Variants in MCM5 observed in about 807,000 individuals in gnomAD.
MCM5 encodes DNA replication licensing factor MCM5.
MCM5 carries 46 observed loss-of-function variants against 79.9 expected under a neutral mutation model. The ratio of observed to expected loss-of-function variants is 0.58; its 90% CI spans 0.45 to 0.74. MCM5 has a LOEUF of 0.74. Among genes scored for constraint, MCM5 ranks in the 30% least tolerant of loss-of-function variants. MCM5 has a pLI of 0.00. For missense variants in MCM5, 883 were observed against 1,017.0 expected, an observed-to-expected ratio of 0.87 and a Z score of 1.79; for synonymous variants, 404 against 390.5, an observed-to-expected ratio of 1.03 and a Z score of -0.41.
At chr22:35,444,238 G>T in the MCM5 span, among the ~76,000 whole-genome samples, 1 of 151,454 alleles carries the variant, frequency 6.6e-6, no homozygotes, top group Non-Finnish European at 1.5e-5. Flanking sequence ...GGAGAGGAGA[G>T]GAAGTGGGGA....
chr22:35,450,336 G>A, the MCM5 span, among the ~76,000 whole-genome samples: 2 of 113,170 alleles, frequency 1.8e-5, no homozygotes, highest in Non-Finnish European at 3.3e-5. Flanking sequence ...AACTGCCCCC[G>A]GGACTGCTGG....
chr22:35,408,695 C>T (rs528181771), intron 6 of MCM5, 132 bp downstream of exon 6: 6 of 895,034 alleles, frequency 6.7e-6, no homozygotes, highest in Non-Finnish European at 1.0e-5. Context: ...TTGCAGAGCA[C>T]CTGCTCTGTG....
At chr22:35,427,501 T>C (rs550236619), downstream of MCM5, among the ~76,000 whole-genome samples, 10 of 152,210 alleles carry the variant, frequency 6.6e-5, no homozygotes, top group South Asian at 2.1e-4. Context: ...AACACATTTT[T>C]TTTTTTTTTG....
chr22:35,412,675 G>A lies in MCM5; in HGVS notation c.1085G>A (p.Arg362Gln), dbSNP rs749855231. Residue 362 changes from arginine (R) to glutamine (Q), a missense_variant, in exon 8 of 17, where the codon CGA (arginine) becomes CAA (glutamine). Coordinates refer to ENST00000216122, the MANE Select transcript of MCM5 (RefSeq NM_006739.4). ...GCCTGCCTGCTCTTTGGGGGCTCCC[G>A]AAAGAGGTAGGGGCTTGAGTTCCCT... ...AIACLLFGGS[R>Q]KRLPDGLTRR... 4.6e-5 allele frequency: 68 copies of A among 1,489,926 alleles called. No homozygotes were observed. Among genetic ancestry groups the A allele is most frequent in the South Asian group, 3.2e-4 (24 of 74,758 alleles). The allele number at this position is 1,489,926 out of a possible 1,614,324, so 92.3% of individuals were successfully genotyped here.
chr22:35,425,441 T>G (rs1932770194), downstream of MCM5: 1 of 152,214 alleles, frequency 6.6e-6, no homozygotes, highest in South Asian at 2.1e-4. Context: ...ATCCGCCTGG[T>G]CATTGTTGAA....
the MCM5 span, among the ~76,000 whole-genome samples, chr22:35,430,969 G>T: frequency 6.6e-6 from 1 of 152,144 alleles, no homozygotes; most frequent in Admixed American, 6.5e-5. Flanking sequence ...TGTCCCAGGG[G>T]TGCGAGGAGA....
chr22:35,453,449 GAGAT>G, the MCM5 span, among the ~76,000 whole-genome samples: 2 of 150,124 alleles, frequency 1.3e-5, no homozygotes, highest in African/African-American at 5.0e-5. Context: ...CAGGGACAGA[GAGAT>G]AGAAACAGAG....
chr22:35,452,925 C>T, the MCM5 span, among the ~76,000 whole-genome samples: 4 of 152,234 alleles, frequency 2.6e-5, no homozygotes, highest in South Asian at 8.3e-4. Flanking sequence ...AGCACTCTCA[C>T]CCACCCCGAG....
chr22:35,407,735 G>A (rs571724494), intron 5 of MCM5, among the ~76,000 whole-genome samples: 1 of 152,254 alleles, frequency 6.6e-6, no homozygotes, highest in South Asian at 2.1e-4. Flanking sequence ...CACGTACCTC[G>A]TCTCTCCCAC....
the MCM5 span, among the ~76,000 whole-genome samples, chr22:35,451,023 G>A: frequency 6.6e-6 from 1 of 152,210 alleles, no homozygotes; most frequent in Non-Finnish European, 1.5e-5. Context: ...GAATGCACTT[G>A]TGGAGTCCTG....
chr22:35,448,790 G>C, the MCM5 span, among the ~76,000 whole-genome samples: 2 of 152,192 alleles, frequency 1.3e-5, no homozygotes, highest in Admixed American at 6.5e-5. Context: ...CTGTTGAGTG[G>C]GGATCAACAG....
chr22:35,421,524 C>T (rs1256033787), intron 15 of MCM5, 64 bp downstream of exon 15: 2 of 1,608,258 alleles, frequency 1.2e-6, no homozygotes. Context: ...GCTCTGTGGG[C>T]AGGGCTCTGG....
At chr22:35,449,009 GT>G in the MCM5 span, among the ~76,000 whole-genome samples, 5 of 152,202 alleles carry the variant, frequency 3.3e-5, no homozygotes, top group African/African-American at 1.2e-4. Flanking sequence ...CAGCATCAGT[GT>G]GGTGGGAAAG....
At chr22:35,423,092 C>T (rs1932735218) in intron 15 of MCM5, 122 bp from the exon 16 acceptor site, 4 of 1,107,704 alleles carry the variant, frequency 3.6e-6, no homozygotes, top group Non-Finnish European at 3.8e-6. Context: ...CACTCGGTGC[C>T]CTTTTCTGAC....
the MCM5 span, among the ~76,000 whole-genome samples, chr22:35,440,588 A>T: frequency 6.6e-6 from 1 of 152,356 alleles, no homozygotes; most frequent in East Asian, 1.9e-4. Flanking sequence ...CAAGGACAGG[A>T]TATAAGGAAG....
intron 2 of MCM5, 122 bp downstream of exon 2, chr22:35,400,727 C>A (rs1932020233): frequency 2.7e-6 from 3 of 1,115,264 alleles, no homozygotes; most frequent in African/African-American, 1.6e-5. Flanking sequence ...AAGAGCCGGT[C>A]CTGGGTCACA....
Position 35,417,813 on chromosome 22 carries a change from A to G in MCM5, c.1660A>G (p.Ile554Val). Residue 554 changes from isoleucine (I) to valine (V), a missense_variant, in exon 13 of 17, where the codon ATT (isoleucine) becomes GTT (valine). Ile to Val is a conservative substitution (Grantham distance 29). Transcript: ENST00000216122. Reference sequence around the variant, plus strand: ...ACAGACACAGGCTGTGGAGGGCGAGATTGACCTGGCCAAGCTGAAGAAGTT... The same window carrying G: ...ACAGACACAGGCTGTGGAGGGCGAGGTTGACCTGGCCAAGCTGAAGAAGTT... The part of the protein sequence containing the change: ...LTQTQAVEGE[I>V]DLAKLKKFIA... 6.2e-7 allele frequency: 1 copy of G among 1,614,198 alleles called. No individual in the cohort carries two copies. The highest frequency in any genetic ancestry group is 1.1e-5 in the South Asian group (1 of 91,090).
the MCM5 span, among the ~76,000 whole-genome samples, chr22:35,434,261 A>G: frequency 1.1e-3 from 168 of 148,446 alleles, 1 homozygote; most frequent in Non-Finnish European, 2.1e-3. Flanking sequence ...AATATGCTTG[A>G]AAAAAAAAAG....
At chr22:35,432,337 G>A in the MCM5 span, among the ~76,000 whole-genome samples, 2 of 152,182 alleles carry the variant, frequency 1.3e-5, no homozygotes, top group Non-Finnish European at 2.9e-5. Flanking sequence ...GGGTACCGGG[G>A]TGGCCTTGTG....
Sources: allele counts gnomAD v4.1 joint callset (sites outside exome capture counted in the v4.1 genomes callset), GRCh38; gene constraint gnomAD v4.1.1; transcripts MANE v1.5; gene names NCBI Gene and HGNC (gene_info 2026-07-23, HGNC 2026-07-21).